Variants in TSNARE1 observed in about 807,000 individuals in gnomAD.
TSNARE1 encodes the protein t-SNARE domain-containing protein 1.
TSNARE1 carries 49 observed loss-of-function variants against 62.0 expected under a neutral mutation model. The observed-to-expected ratio is 0.79, with a 90% CI of 0.63 to 1.00. The LOEUF is 1.00. Among genes scored for constraint, TSNARE1 ranks in the 50% least tolerant of loss-of-function variants. The pLI, the probability that TSNARE1 is intolerant of heterozygous loss-of-function variation, is 0.00. For missense variants in TSNARE1, 755 were observed against 700.1 expected (o/e 1.08, Z -0.88); for synonymous variants, 328 against 294.4 (o/e 1.11, Z -1.17).
intron 13 of TSNARE1, among the ~76,000 whole-genome samples, chr8:142,222,908 C>T (rs1304628822): frequency 6.9e-6 from 1 of 145,102 alleles, no homozygotes; most frequent in Non-Finnish European, 1.5e-5. Context: ...ACTTACTCAT[C>T]CACTCATTCA....
intron 12 of TSNARE1, among the ~76,000 whole-genome samples, chr8:142,234,779 G>A (rs150537733): frequency 0.015 from 2,311 of 152,200 alleles, 36 homozygotes; most frequent in Middle Eastern, 0.071. Context: ...CAGACATGGA[G>A]AGGGGGAGAC....
At chr8:142,217,693 G>A (rs540902256) in intron 13 of TSNARE1, among the ~76,000 whole-genome samples, 2 of 152,364 alleles carry the variant, frequency 1.3e-5, no homozygotes, top group Admixed American at 1.3e-4. Flanking sequence ...GCCAGGTTTA[G>A]GTTCAGCCTG....
Position 142,222,546 on chromosome 8 carries a change from AC to A in TSNARE1, c.*11+6926del, listed in dbSNP as rs1465724949. ...CATCCACTCACTCACTCACTCATTCACTCACTCACTCACTCATTCACTCACT... is the reference window on the plus strand; with the variant it reads ...CATCCACTCACTCACTCACTCATTCATCACTCACTCACTCATTCACTCACT... On this transcript the variant is annotated intron_variant, in intron 13 of 13. Transcript: ENST00000524325. Among the ~76,000 whole-genome samples, 2 of 127,544 alleles carry A rather than the reference AC, an allele frequency of 1.6e-5. 1 individual carries two copies. The highest frequency in any genetic ancestry group is 3.4e-5 in the Non-Finnish European group (2 of 59,540). The allele number at this position is 127,544 out of a possible 152,430, so 83.7% of individuals were successfully genotyped here. A position where few individuals can be genotyped will look rare whatever the true frequency, so the allele number is the denominator to read the frequency against.
At chr8:142,388,739 G>A (rs1837283447) in intron 1 of TSNARE1, among the ~76,000 whole-genome samples, 1 of 151,816 alleles carries the variant, frequency 6.6e-6, no homozygotes, top group South Asian at 2.1e-4. Context: ...TGTATTTTTA[G>A]TAGAGACGGG....
chr8:142,315,170 C>T (rs990219485), intron 7 of TSNARE1, 78 bp from the exon 8 acceptor site: 6 of 1,428,644 alleles, frequency 4.2e-6, no homozygotes, highest in Admixed American at 1.8e-5. Context: ...CACCTCCTCC[C>T]GTACCGATGT....
At chr8:142,305,361 G>T (rs1826492312) in intron 9 of TSNARE1, among the ~76,000 whole-genome samples, 1 of 151,814 alleles carries the variant, frequency 6.6e-6, no homozygotes, top group Admixed American at 6.6e-5. Context: ...TGGGAGGGGG[G>T]TGCAAACGGG....
chr8:142,391,036 C>T (rs962361000), intron 1 of TSNARE1, among the ~76,000 whole-genome samples: 3 of 144,986 alleles, frequency 2.1e-5, no homozygotes, highest in Admixed American at 6.8e-5. Context: ...CTGTACACTG[C>T]GGGGGACTCT....
intron 11 of TSNARE1, among the ~76,000 whole-genome samples, chr8:142,281,889 C>T (rs536269559): frequency 5.9e-5 from 9 of 152,294 alleles, no homozygotes; most frequent in Non-Finnish European, 1.2e-4. Context: ...TTCATCCTGA[C>T]CTCTCGCCTG....
At chr8:142,360,247 C>T (rs1261122900) in intron 1 of TSNARE1, among the ~76,000 whole-genome samples, 1 of 152,064 alleles carries the variant, frequency 6.6e-6, no homozygotes, top group East Asian at 1.9e-4. Flanking sequence ...CAGGCAGAGG[C>T]ATGGCCAGGA....
chr8:142,318,769 AGAGGGCC>A (rs1242032826), intron 6 of TSNARE1, 135 bp from the exon 7 acceptor site: 1 of 716,908 alleles, frequency 1.4e-6, no homozygotes, highest in Non-Finnish European at 2.4e-6. Context: ...ACAGGCGGAG[AGAGGGCC>A]GAGAGACACA....
In TSNARE1 at chr8:142,382,059, C is replaced by G. The variant is rs370216021; in HGVS notation, c.-40+21045G>C. 1.7e-4 allele frequency among the ~76,000 whole-genome samples: 26 copies of G among 152,318 alleles called. No individual in the cohort carries two copies. In the South Asian group the frequency reaches 3.7e-3, roughly 22 times the overall value. On this transcript the variant is annotated intron_variant, in intron 1 of 13. Transcript: ENST00000524325. ...GAGGAGGCCTGGCCGTTCCCAGGCC[C>G]ACGCGCCCCTGCCAGCATCAGCCCT...
intron 1 of TSNARE1, among the ~76,000 whole-genome samples, chr8:142,356,502 C>A (rs568298732): frequency 1.3e-5 from 2 of 152,324 alleles, no homozygotes; most frequent in South Asian, 4.1e-4. Flanking sequence ...ACGCAGCGAG[C>A]AGAGAGCTCT....
At chr8:142,228,904 A>G (rs573437063) in intron 13 of TSNARE1, among the ~76,000 whole-genome samples, 2 of 151,782 alleles carry the variant, frequency 1.3e-5, no homozygotes, top group South Asian at 4.2e-4. Flanking sequence ...GTACAGGTGC[A>G]TGGGTGGATG....
chr8:142,340,438 G>A (rs1281182159), intron 4 of TSNARE1, among the ~76,000 whole-genome samples: 3 of 152,224 alleles, frequency 2.0e-5, no homozygotes, highest in Non-Finnish European at 2.9e-5. Flanking sequence ...GGCTGGGGGA[G>A]CTGAGGGTGG....
intron 2 of TSNARE1, among the ~76,000 whole-genome samples, chr8:142,352,853 T>G (rs1834285818): frequency 6.6e-6 from 1 of 151,876 alleles, no homozygotes; most frequent in Non-Finnish European, 1.5e-5. Context: ...GGCCTGGGGG[T>G]CAGGCGCACC....
At chr8:142,303,226 G>A (rs546415900) in intron 9 of TSNARE1, among the ~76,000 whole-genome samples, 9 of 152,302 alleles carry the variant, frequency 5.9e-5, no homozygotes, top group African/African-American at 2.2e-4. Context: ...GGGTGGGCAC[G>A]TGCAGAGACC....
chr8:142,233,153 T>A (rs915376847), intron 12 of TSNARE1, among the ~76,000 whole-genome samples: 1 of 152,176 alleles, frequency 6.6e-6, no homozygotes, highest in African/African-American at 2.4e-5. Flanking sequence ...ATCCATGACC[T>A]GAGTAGACTG....
At chr8:142,290,447 T>G (rs1256299537) in intron 10 of TSNARE1, among the ~76,000 whole-genome samples, 1 of 152,228 alleles carries the variant, frequency 6.6e-6, no homozygotes, top group Non-Finnish European at 1.5e-5. Flanking sequence ...TTTCTCTTCT[T>G]TCACTGGCAC....
intron 12 of TSNARE1, among the ~76,000 whole-genome samples, chr8:142,256,764 C>G (rs191162472): frequency 7.9e-5 from 12 of 152,358 alleles, no homozygotes; most frequent in Admixed American, 7.8e-4. Flanking sequence ...CAACTCGTCA[C>G]TGGCAGAGCT....
Sources: gnomAD v4.1 joint callset for allele counts (sites outside exome capture counted in the v4.1 genomes callset) on GRCh38, gnomAD v4.1.1 for gene constraint, MANE v1.5 for transcripts, NCBI Gene and HGNC (gene_info 2026-07-23, HGNC 2026-07-21) for gene names.